The following DLG2 variants were observed in gnomAD, a reference collection of about 807,000 sequenced individuals.
The protein encoded by DLG2 is discs large MAGUK scaffold protein 2.
DLG2 carries 45 observed loss-of-function variants against 132.5 expected under a neutral mutation model. That is an observed-to-expected ratio of 0.34 (90% CI 0.27 to 0.44). The LOEUF (loss-of-function observed/expected upper bound fraction) is 0.44. DLG2 is among the 20% of genes least tolerant of loss of function. The pLI is 1.00. For synonymous variants in DLG2, 424 were observed against 419.6 expected (o/e 1.01, Z -0.13); for missense variants, 1,045 against 1,196.9 (o/e 0.87, Z 1.87).
chr11:84,277,103 G>A (rs539965046), intron 7 of DLG2, among the ~76,000 whole-genome samples: 1 of 152,300 alleles, frequency 6.6e-6, no homozygotes, highest in South Asian at 2.1e-4. Context: ...GATCAAGGCA[G>A]CAAGTAGAAA....
chr11:84,845,577 C>T (rs544206498), intron 6 of DLG2, among the ~76,000 whole-genome samples: 6 of 151,960 alleles, frequency 3.9e-5, no homozygotes, highest in Non-Finnish European at 8.8e-5. Context: ...ATCTAATGGA[C>T]ATCTGTTTGT....
chr11:84,208,384 T>C (rs981280052), intron 8 of DLG2, among the ~76,000 whole-genome samples: 5 of 146,924 alleles, frequency 3.4e-5, no homozygotes, highest in African/African-American at 1.0e-4. Flanking sequence ...CGCTCTGTCA[T>C]GCAGGCTGGA....
At chr11:85,474,921 T>C (rs559932460) in intron 3 of DLG2, among the ~76,000 whole-genome samples, 391 of 150,946 alleles carry the variant, frequency 2.6e-3, no homozygotes, top group Admixed American at 5.0e-3. Context: ...ATTGTCAAAA[T>C]GAACAAGCAA....
At chr11:83,671,031 A>T (rs2076743021) in intron 18 of DLG2, among the ~76,000 whole-genome samples, 1 of 152,200 alleles carries the variant, frequency 6.6e-6, no homozygotes, top group South Asian at 2.1e-4. Flanking sequence ...TATTATATTT[A>T]AAAAGTAGAT....
chr11:85,488,775 G>A (rs1332452789), intron 3 of DLG2, among the ~76,000 whole-genome samples: 1 of 152,058 alleles, frequency 6.6e-6, no homozygotes, highest in Non-Finnish European at 1.5e-5. Flanking sequence ...CATAAATGAA[G>A]GAGAAATAAA....
At position 85,138,445 on chromosome 11, in the gene DLG2, G is replaced by T. The variant is rs1187564371; in HGVS notation, c.282+16111C>A. 6.6e-5 allele frequency among the ~76,000 whole-genome samples: 10 copies of T among 152,234 alleles called. 1 individual carries two copies. In the East Asian group the frequency reaches 1.9e-3, roughly 29 times the overall value. The stretch of plus-strand genomic sequence containing the variant: ...TGTGTGCAAGCCACAAATCTAAAAA[G>T]CTATAATGGTCAAAAATAAAATTTT... On this transcript the variant is annotated intron_variant, in intron 5 of 27. Transcript: ENST00000376104.
intron 7 of DLG2, among the ~76,000 whole-genome samples, chr11:84,512,670 C>A (rs900649484): frequency 6.6e-6 from 1 of 151,830 alleles, no homozygotes; most frequent in Non-Finnish European, 1.5e-5. Flanking sequence ...CAGCTACCAG[C>A]AGACTTCTTA....
intron 9 of DLG2, among the ~76,000 whole-genome samples, chr11:84,106,309 T>C (rs1362273928): frequency 6.6e-6 from 1 of 152,128 alleles, no homozygotes; most frequent in Non-Finnish European, 1.5e-5. Flanking sequence ...TAAAATTATT[T>C]AAAGTCTTTC....
intron 6 of DLG2, among the ~76,000 whole-genome samples, chr11:84,646,964 A>G (rs967925388): frequency 2.6e-5 from 4 of 152,172 alleles, no homozygotes; most frequent in African/African-American, 9.6e-5. Context: ...GTATGTCTTT[A>G]TATGTGACTT....
At chr11:84,603,733 A>G (rs2099580730) in intron 6 of DLG2, among the ~76,000 whole-genome samples, 1 of 151,902 alleles carries the variant, frequency 6.6e-6, no homozygotes, top group Non-Finnish European at 1.5e-5. Context: ...GTATTGGTTT[A>G]TGACAAGATT....
rs144328920 is a variant in DLG2 at position 84,710,946 on chromosome 11, C to A, written c.358-176215G>T. On this transcript the variant is annotated intron_variant, in intron 6 of 27. Coordinates refer to ENST00000376104, the MANE Select transcript of DLG2 (RefSeq NM_001142699.3). Reference sequence around the variant, plus strand: ...TATATGGAAAAAATATTACTGTGTTCTTTATAATCACTGAAATATATAATG... The same window carrying A: ...TATATGGAAAAAATATTACTGTGTTATTTATAATCACTGAAATATATAATG... Among the ~76,000 whole-genome samples, 4 of 147,758 alleles carry A rather than the reference C, an allele frequency of 2.7e-5. No homozygotes were observed. In the East Asian group the frequency reaches 8.0e-4, roughly 30 times the overall value.
intron 6 of DLG2, among the ~76,000 whole-genome samples, chr11:84,818,312 C>T (rs760609371): frequency 1.3e-5 from 2 of 152,026 alleles, no homozygotes; most frequent in East Asian, 1.9e-4. Context: ...ATGTATGTTT[C>T]GAAATGGAAG....
chr11:84,584,919 A>G (rs895898848), intron 6 of DLG2, among the ~76,000 whole-genome samples: 1 of 143,762 alleles, frequency 7.0e-6, no homozygotes, highest in Non-Finnish European at 1.5e-5. Flanking sequence ...CGATCTCCTG[A>G]CCTCGTGATC....
intron 3 of DLG2, among the ~76,000 whole-genome samples, chr11:85,398,421 C>T (rs1477558587): frequency 1.3e-5 from 2 of 151,920 alleles, no homozygotes; most frequent in Non-Finnish European, 2.9e-5. Flanking sequence ...CAAGAAATAA[C>T]TAAGATCAGA....
chr11:85,306,163 G>A (rs2079928738), intron 3 of DLG2, among the ~76,000 whole-genome samples: 1 of 152,164 alleles, frequency 6.6e-6, no homozygotes, highest in African/African-American at 2.4e-5. Context: ...CATAATAGAA[G>A]TTCATTAAAT....
At chr11:85,125,099 G>T (rs959595527) in intron 5 of DLG2, among the ~76,000 whole-genome samples, 5 of 152,114 alleles carry the variant, frequency 3.3e-5, no homozygotes, top group Non-Finnish European at 7.4e-5. Context: ...CAAAGTGCTG[G>T]GATTACAGGC....
At chr11:84,657,866 G>A (rs748601220) in intron 6 of DLG2, among the ~76,000 whole-genome samples, 1 of 152,198 alleles carries the variant, frequency 6.6e-6, no homozygotes, top group Non-Finnish European at 1.5e-5. Flanking sequence ...AGCAAAGGCT[G>A]CTAATTAACC....
At chr11:84,968,551 A>T (rs2053631339) in intron 6 of DLG2, among the ~76,000 whole-genome samples, 1 of 152,120 alleles carries the variant, frequency 6.6e-6, no homozygotes, top group African/African-American at 2.4e-5. Flanking sequence ...AAAAATTTTT[A>T]TTTTAGTTTC....
chr11:84,287,741 GACACACAC>G lies in DLG2; in HGVS notation c.520-36458_520-36451del, dbSNP rs373708341. 1.8e-3 allele frequency among the ~76,000 whole-genome samples: 253 copies of G among 139,278 alleles called. 1 individual carries two copies. Among genetic ancestry groups the G allele is most frequent in the South Asian group, 0.014 (57 of 4,146 alleles). The allele number at this position is 139,278 out of a possible 152,430, so 91.4% of individuals were successfully genotyped here. On this transcript the variant is annotated intron_variant, in intron 7 of 27. Transcript: ENST00000376104. ...TCCCTCCATATTTTTCTCTCTCTTAGACACACACACACACACACACACACACACACACA... is the reference window on the plus strand; with the variant it reads ...TCCCTCCATATTTTTCTCTCTCTTAGACACACACACACACACACACACACA...
Sources: gnomAD v4.1 joint callset for allele counts (sites outside exome capture counted in the v4.1 genomes callset) on GRCh38, gnomAD v4.1.1 for gene constraint, MANE v1.5 for transcripts, NCBI Gene and HGNC (gene_info 2026-07-23, HGNC 2026-07-21) for gene names.